The following PHF20L1 variants were observed in gnomAD, a reference collection of about 807,000 sequenced individuals.
PHF20L1 encodes the protein PHD finger protein 20 like 1.
Under a neutral mutation model 125.5 loss-of-function variants are expected in PHF20L1, and 44 were observed. That is an observed-to-expected ratio of 0.35 (90% CI 0.28 to 0.45). The LOEUF is 0.45. Ranked by LOEUF, PHF20L1 falls within the 20% of genes least tolerant of loss-of-function variation. The pLI is 1.00. For missense variants in PHF20L1, 1,012 were observed against 1,217.2 expected (o/e 0.83, Z 2.51); for synonymous variants, 380 against 403.1 (o/e 0.94, Z 0.69).
At chr8:132,818,204 T>C (rs1055424104) in intron 12 of PHF20L1, 7 of 151,918 alleles carry the variant, frequency 4.6e-5, no homozygotes, top group Non-Finnish European at 8.8e-5. Context: ...TATTTAGAAG[T>C]TTTTAAGAAT....
intron 15 of PHF20L1, among the ~76,000 whole-genome samples, chr8:132,834,156 C>G (rs542498377): frequency 6.6e-6 from 1 of 152,126 alleles, no homozygotes; most frequent in Admixed American, 6.6e-5. Context: ...CTCTGTCATC[C>G]ATTTTACTCA....
At position 132,793,826 on chromosome 8, in the gene PHF20L1, G is replaced by A. The variant is rs538475201; in HGVS notation, c.84-584G>A. Among the ~76,000 whole-genome samples, 10 of 152,222 alleles carry A rather than the reference G, an allele frequency of 6.6e-5. No homozygotes were observed. In the East Asian group the frequency reaches 1.9e-3, roughly 29 times the overall value. ...AAAATAAGAATTAAAGTGAGCTTAT[G>A]CCATATAAAGACAGTGTACATGCTG... On this transcript the variant is annotated intron_variant, in intron 2 of 20. Transcript: ENST00000395386.
At chr8:132,808,037 G>T (rs898532329) in intron 8 of PHF20L1, 3 of 168,704 alleles carry the variant, frequency 1.8e-5, no homozygotes, top group African/African-American at 7.2e-5. Context: ...ATTTTGGACT[G>T]CCTCTTAAGG....
intron 8 of PHF20L1, chr8:132,808,724 A>T (rs1563812748): frequency 6.6e-6 from 1 of 152,004 alleles, no homozygotes; most frequent in Non-Finnish European, 1.5e-5. Context: ...TGTTCAGAAT[A>T]TAATTAGGAT....
At chr8:132,785,393 T>A (rs1424793745) in intron 2 of PHF20L1, among the ~76,000 whole-genome samples, 2 of 152,210 alleles carry the variant, frequency 1.3e-5, no homozygotes, top group Non-Finnish European at 2.9e-5. Context: ...AAATGGCATC[T>A]GCAGATGCTT....
chr8:132,777,815 A>C lies in PHF20L1; in HGVS notation c.-14A>C. The C allele has an allele frequency of 6.3e-7, 1 of 1,583,744 alleles. No homozygotes were observed. The highest frequency in any genetic ancestry group is 8.7e-7 in the Non-Finnish European group (1 of 1,152,780). On this transcript the variant is annotated 5_prime_UTR_variant, in exon 2 of 21. Transcript: ENST00000395386. ...AGGTAGTGAAAAGAGAATACTGAAG[A>C]ATAGGATCTCAAGATGAGTAAAAAG...
At chr8:132,812,151 G>A (rs1410029668) in intron 9 of PHF20L1, 2 of 979,676 alleles carry the variant, frequency 2.0e-6, no homozygotes, top group South Asian at 4.7e-5. Context: ...AGTCTTTGCC[G>A]TTATTGTCAA....
intron 13 of PHF20L1, 68 bp downstream of exon 13, chr8:132,824,128 C>A: frequency 3.1e-6 from 3 of 959,684 alleles, no homozygotes; most frequent in Non-Finnish European, 3.3e-6. Flanking sequence ...ACATAGTCTG[C>A]CCCTTACTCT....
chr8:132,828,292 A>G (rs1836409969), intron 14 of PHF20L1, among the ~76,000 whole-genome samples: 1 of 151,986 alleles, frequency 6.6e-6, no homozygotes, highest in South Asian at 2.1e-4. Flanking sequence ...AACCCTTTAC[A>G]ATAGGATCTG....
Position 132,844,276 on chromosome 8 carries a change from G to A in PHF20L1, c.2869G>A (p.Glu957Lys). Reference sequence around the variant, plus strand: ...TACACACATAGAAAATGTGCAGAACGAAGTTACCAGCAGGATGGACCTAAT... The same window carrying A: ...TACACACATAGAAAATGTGCAGAACAAAGTTACCAGCAGGATGGACCTAAT... ...LLTHIENVQNEVTSRMDLIEK... is the reference protein window; with the variant it reads ...LLTHIENVQNKVTSRMDLIEK... The change falls in exon 20 of 21, where the codon GAA becomes AAA. Residue 957 changes from glutamate (E) to lysine (K), a missense_variant. By Grantham distance (56) the Glu-to-Lys change is moderately conservative. Coordinates refer to ENST00000395386, the MANE Select transcript of PHF20L1 (RefSeq NM_016018.5). 6 of 1,612,462 alleles carry A rather than the reference G, an allele frequency of 3.7e-6. No individual in the cohort carries two copies. Among genetic ancestry groups the A allele is most frequent in the South Asian group, 1.1e-5 (1 of 90,992 alleles).
At chr8:132,817,910 A>G (rs1835153770) in intron 12 of PHF20L1, 2 of 162,098 alleles carry the variant, frequency 1.2e-5, no homozygotes, top group Admixed American at 6.3e-5. Context: ...ACTTTGGTTT[A>G]AGGATTTTGA....
At chr8:132,806,671 C>T (rs1482097348) in intron 8 of PHF20L1, 1 of 151,940 alleles carries the variant, frequency 6.6e-6, no homozygotes, top group Non-Finnish European at 1.5e-5. Context: ...TTCAGGCTTG[C>T]CTTTTTACAG....
chr8:132,816,834 G>T, intron 10 of PHF20L1, 54 bp from the exon 11 acceptor site: 1 of 1,143,926 alleles, frequency 8.7e-7, no homozygotes. Flanking sequence ...CTTAAATATT[G>T]TAAGATGCTC....
Position 132,836,718 on chromosome 8 carries a change from C to A in PHF20L1, c.2088C>A (p.Ile696=), listed in dbSNP as rs1320373547. ...TGGATGAGGAGAATGGCTTCATGAT[C>A]CAGGTAATTGGTTAACCTCTCTTCC... ...CEMDEENGFM[I]QCEECLCWQH... is the part of the protein sequence containing the mutation. Residue 696 remains isoleucine (I), a synonymous_variant, in exon 16 of 21, where the codon ATC becomes ATA. Coordinates refer to ENST00000395386, the MANE Select transcript of PHF20L1 (RefSeq NM_016018.5). 1.2e-6 allele frequency: 2 copies of A among 1,608,056 alleles called. No individual in the cohort carries two copies. The highest frequency in any genetic ancestry group is 1.3e-5 in the African/African-American group (1 of 74,716).
Position 132,817,022 on chromosome 8 carries a change from G to C in PHF20L1, c.1318G>C (p.Gly440Arg). ...TTCTTCTCCCTCTCCAGCCACTGATGGGAAAGTATTCTCCATCAGTTCTCA... is the reference window on the plus strand; with the variant it reads ...TTCTTCTCCCTCTCCAGCCACTGATCGGAAAGTATTCTCCATCAGTTCTCA... ...KVSSPSPATD[G>R]KVFSISSQNQ... Residue 440 changes from glycine (G) to arginine (R), a missense_variant, in exon 11 of 21, where the codon GGG becomes CGG. By Grantham distance (125) the Gly-to-Arg change is moderately radical. Transcript: ENST00000395386. The C allele has an allele frequency of 3.7e-6, 6 of 1,607,052 alleles. No individual in the cohort carries two copies. The highest frequency in any genetic ancestry group is 5.1e-6 in the Non-Finnish European group (6 of 1,176,512).
At chr8:132,817,752 A>T (rs1042022827) in intron 12 of PHF20L1, 33 of 515,092 alleles carry the variant, frequency 6.4e-5, no homozygotes, top group Non-Finnish European at 1.0e-4. Context: ...CTGGACATAC[A>T]TGCTGCTTAA....
At chr8:132,815,691 G>C (rs1206266079) in intron 10 of PHF20L1, 1 of 151,796 alleles carries the variant, frequency 6.6e-6, no homozygotes. Flanking sequence ...CAAAGATGTT[G>C]GCATTCAGAA....
chr8:132,797,936 G>A (rs998025208), intron 4 of PHF20L1, among the ~76,000 whole-genome samples: 2 of 152,046 alleles, frequency 1.3e-5, no homozygotes, highest in African/African-American at 2.4e-5. Context: ...TCTAGGAAAT[G>A]ACAGGAAAAC....
At chr8:132,843,935 C>T in intron 19 of PHF20L1, 1 of 985,142 alleles carries the variant, frequency 1.0e-6, no homozygotes, top group Non-Finnish European at 1.2e-6. Flanking sequence ...GCCTGTGTAG[C>T]ACCATGCGAG....
Sources: gnomAD v4.1 joint callset for allele counts (sites outside exome capture counted in the v4.1 genomes callset) on GRCh38, gnomAD v4.1.1 for gene constraint, MANE v1.5 for transcripts, NCBI Gene and HGNC (gene_info 2026-07-23, HGNC 2026-07-21) for gene names.